The following GRIK2 variants were observed in gnomAD, a reference collection of about 807,000 sequenced individuals.
The protein encoded by GRIK2 is glutamate ionotropic receptor kainate type subunit 2, also known as glutamate receptor ionotropic, kainate 2.
A neutral mutation model predicts 100.3 loss-of-function variants in GRIK2; 32 were observed. The observed-to-expected ratio is 0.32, with a 90% CI of 0.24 to 0.43. The LOEUF (loss-of-function observed/expected upper bound fraction) is 0.43. Ranked by LOEUF, GRIK2 falls within the 20% of genes least tolerant of loss-of-function variation. The pLI is 1.00. For synonymous variants in GRIK2, 417 were observed against 389.4 expected, an observed-to-expected ratio of 1.07 and a Z score of -0.83; for missense variants, 843 against 1,114.9, an observed-to-expected ratio of 0.76 and a Z score of 3.47.
chr6:101,857,737 T>C (rs1327102526), intron 10 of GRIK2, among the ~76,000 whole-genome samples: 3 of 152,250 alleles, frequency 2.0e-5, no homozygotes, highest in South Asian at 2.1e-4. Context: ...TGCCATACCA[T>C]GTGCAAGTGC....
intron 2 of GRIK2, among the ~76,000 whole-genome samples, chr6:101,410,562 G>C (rs1195580355): frequency 6.6e-6 from 1 of 152,084 alleles, no homozygotes; most frequent in Non-Finnish European, 1.5e-5. Context: ...GCATAGAAGT[G>C]TCTAGGGAGA....
intron 4 of GRIK2, among the ~76,000 whole-genome samples, chr6:101,643,920 A>G (rs1200906731): frequency 6.6e-6 from 1 of 151,748 alleles, no homozygotes; most frequent in African/African-American, 2.4e-5. Context: ...TTAGTAGCCA[A>G]TCAACTAACA....
At chr6:101,530,180 T>A (rs2518254) in intron 2 of GRIK2, among the ~76,000 whole-genome samples, 136,256 of 152,042 alleles carry the variant, frequency 0.9, 61,218 homozygotes, top group African/African-American at 0.95. Flanking sequence ...GCTGGTGCAT[T>A]AAAGAGAGCA....
At chr6:101,915,759 A>T (rs939138334) in intron 12 of GRIK2, among the ~76,000 whole-genome samples, 2 of 151,606 alleles carry the variant, frequency 1.3e-5, no homozygotes, top group African/African-American at 4.8e-5. Flanking sequence ...TTTATCGTAG[A>T]CACATACAAT....
At chr6:101,931,180 G>A (rs1220027825) in intron 14 of GRIK2, among the ~76,000 whole-genome samples, 2 of 151,818 alleles carry the variant, frequency 1.3e-5, no homozygotes, top group Admixed American at 6.6e-5. Flanking sequence ...TCCAGCTATG[G>A]TAAGAAATTT....
chr6:101,491,849 G>A (rs1773130545), intron 2 of GRIK2, among the ~76,000 whole-genome samples: 1 of 151,686 alleles, frequency 6.6e-6, no homozygotes, highest in African/African-American at 2.4e-5. Context: ...TTCACTAGCT[G>A]GGGTTCTATC....
intron 16 of GRIK2, among the ~76,000 whole-genome samples, chr6:102,066,391 G>GGA (rs1368109394): frequency 6.6e-6 from 1 of 151,528 alleles, no homozygotes; most frequent in Non-Finnish European, 1.5e-5. Flanking sequence ...CACAATTCAG[G>GGA]GAGAGAGATA....
chr6:101,610,306 C>T (rs1779616219), intron 2 of GRIK2, among the ~76,000 whole-genome samples: 2 of 151,498 alleles, frequency 1.3e-5, no homozygotes, highest in African/African-American at 4.8e-5. Flanking sequence ...ATGAATAATA[C>T]TATTAAATTA....
chr6:101,602,081 C>T (rs1779241765), intron 2 of GRIK2, among the ~76,000 whole-genome samples: 1 of 151,714 alleles, frequency 6.6e-6, no homozygotes, highest in Non-Finnish European at 1.5e-5. Context: ...TTAGTCTTAA[C>T]TCTGTTTTTC....
Position 101,535,940 on chromosome 6 carries a change from C to T in GRIK2, c.116-86009C>T, listed in dbSNP as rs1009557145. 4.0e-5 allele frequency among the ~76,000 whole-genome samples: 6 copies of T among 151,606 alleles called. No homozygotes were observed. The Admixed American group carries it at 4.0e-4, about 10-fold the overall frequency. On this transcript the variant is annotated intron_variant, in intron 2 of 16. Coordinates refer to ENST00000369134, the MANE Select transcript of GRIK2 (RefSeq NM_021956.5). ...ATGCTTCAGAGATACTGTATATAGC[C>T]TGATAGCAGGTTCTAACGTTTTTTA...
At chr6:101,578,029 C>T (rs1295041507) in intron 2 of GRIK2, among the ~76,000 whole-genome samples, 1 of 152,134 alleles carries the variant, frequency 6.6e-6, no homozygotes, top group African/African-American at 2.4e-5. Context: ...CACTCCAAAC[C>T]CAATTCTTCA....
intron 14 of GRIK2, among the ~76,000 whole-genome samples, chr6:101,943,167 A>G (rs1455442158): frequency 6.6e-6 from 1 of 152,192 alleles, no homozygotes; most frequent in Non-Finnish European, 1.5e-5. Context: ...CAGAGAGTGC[A>G]AGCCCCAAAC....
chr6:101,507,143 A>G lies in GRIK2; in HGVS notation c.115+107751A>G, dbSNP rs539972883. Among the ~76,000 whole-genome samples the G allele has an allele frequency of 2.6e-5, 4 of 151,978 alleles. No homozygotes were observed. The East Asian group carries it at 7.8e-4, about 29-fold the overall frequency. ...TATTTTAGGAATCTTGAAATCATAC[A>G]CTCCTCATAGAACCTCCTTCAGAAA... On this transcript the variant is annotated intron_variant, in intron 2 of 16. Transcript: ENST00000369134.
chr6:101,947,228 T>C (rs1270009027), intron 14 of GRIK2, among the ~76,000 whole-genome samples: 1 of 152,160 alleles, frequency 6.6e-6, no homozygotes, highest in African/African-American at 2.4e-5. Flanking sequence ...TTTTTAATAC[T>C]AACAATATGT....
At chr6:101,939,055 T>C (rs914411638) in intron 14 of GRIK2, among the ~76,000 whole-genome samples, 1 of 152,038 alleles carries the variant, frequency 6.6e-6, no homozygotes, top group East Asian at 1.9e-4. Flanking sequence ...CCCTTGACTG[T>C]TTTCAGAACA....
chr6:101,704,651 A>C (rs994371121), intron 7 of GRIK2, among the ~76,000 whole-genome samples: 1 of 151,450 alleles, frequency 6.6e-6, no homozygotes, highest in African/African-American at 2.4e-5. Flanking sequence ...TTTTTTCAGA[A>C]TATGTAGCCT....
chr6:101,969,242 C>T (rs1176463170), intron 14 of GRIK2, among the ~76,000 whole-genome samples: 1 of 151,884 alleles, frequency 6.6e-6, no homozygotes, highest in African/African-American at 2.4e-5. Flanking sequence ...TAATATTCTA[C>T]ACAGGATGCA....
At chr6:102,048,217 A>C (rs1007308756) in intron 15 of GRIK2, among the ~76,000 whole-genome samples, 2 of 151,844 alleles carry the variant, frequency 1.3e-5, no homozygotes, top group Non-Finnish European at 2.9e-5. Flanking sequence ...CTCAAAATGC[A>C]TTAAAGAATT....
chr6:101,710,083 T>TAG (rs1163731101), intron 7 of GRIK2, among the ~76,000 whole-genome samples: 1 of 151,892 alleles, frequency 6.6e-6, no homozygotes, highest in Non-Finnish European at 1.5e-5. Flanking sequence ...ATGCCACTGT[T>TAG]AGAGATACTT....
Sources: gnomAD v4.1 joint callset for allele counts (sites outside exome capture counted in the v4.1 genomes callset) on GRCh38, gnomAD v4.1.1 for gene constraint, MANE v1.5 for transcripts, NCBI Gene and HGNC (gene_info 2026-07-23, HGNC 2026-07-21) for gene names.